Variants in MEF2C observed in about 807,000 individuals in gnomAD.
MEF2C encodes myocyte-specific enhancer factor 2C.
Under a neutral mutation model 50.5 loss-of-function variants are expected in MEF2C, and 6 were observed. The observed-to-expected ratio is 0.12, with a 90% confidence interval of 0.07 to 0.23. The LOEUF (loss-of-function observed/expected upper bound fraction) is 0.23. Ranked by LOEUF, MEF2C falls within the 10% of genes least tolerant of loss-of-function variation. MEF2C has a pLI of 1.00. For missense variants in MEF2C, 276 were observed against 605.0 expected (o/e 0.46, Z 5.70); for synonymous variants, 183 against 228.0 (o/e 0.80, Z 1.78).
Position 88,823,800 on chromosome 5 carries a change from T to A in MEF2C, c.-12A>T. 1 of 1,608,616 alleles carries A rather than the reference T, an allele frequency of 6.2e-7. No homozygotes were observed. Among genetic ancestry groups the A allele is most frequent in the Non-Finnish European group, 8.5e-7 (1 of 1,176,744 alleles). ...TTTTTTCTCCCCATAGTCCCCGTTT[T>A]TCTTCTCTCTCTCGTCCCTGAAATT... On this transcript the variant is annotated 5_prime_UTR_variant, in exon 2 of 11. Coordinates refer to ENST00000504921, the MANE Select transcript of MEF2C (RefSeq NM_002397.5).
intron 6 of MEF2C, among the ~76,000 whole-genome samples, chr5:88,745,478 G>A (rs1014627582): frequency 8.5e-5 from 13 of 152,200 alleles, no homozygotes; most frequent in Non-Finnish European, 4.4e-5. Context: ...GTAAGCGGCC[G>A]TGACATTGCC....
chr5:88,831,805 C>T (rs973248679), intron 1 of MEF2C, among the ~76,000 whole-genome samples: 8 of 152,006 alleles, frequency 5.3e-5, no homozygotes, highest in Admixed American at 5.2e-4. Flanking sequence ...TCCTAATCAA[C>T]CTAATTAAGG....
intron 1 of MEF2C, among the ~76,000 whole-genome samples, chr5:88,872,098 C>T (rs1829694028): frequency 6.6e-6 from 1 of 151,844 alleles, no homozygotes; most frequent in African/African-American, 2.4e-5. Context: ...AATTCCATTT[C>T]TACATATAAT....
rs1254304404 is a variant in MEF2C, at chr5:88,718,408, C to T, written c.*4196G>A. 6.6e-6 allele frequency: 1 copy of T among 152,142 alleles called. No homozygotes were observed. The allele number at this position is 152,142 out of a possible 1,614,324, so 9.4% of individuals were successfully genotyped here. A position where few individuals can be genotyped will look rare whatever the true frequency, so the allele number is the denominator to read the frequency against. ...GTTTAACTTAGTTATAACATCTTGT[C>T]ATCTAGTGGCGACAAAGTCCAGCTT... On this transcript the variant is annotated 3_prime_UTR_variant, in exon 11 of 11. Transcript: ENST00000504921.
chr5:88,739,746 G>A, intron 6 of MEF2C: 1 of 984,350 alleles, frequency 1.0e-6, no homozygotes, highest in Non-Finnish European at 1.2e-6. Flanking sequence ...ATTTTTTTGA[G>A]AAAAAAAGAT....
intron 1 of MEF2C, among the ~76,000 whole-genome samples, chr5:88,873,414 T>C (rs1830118259): frequency 1.3e-5 from 2 of 151,992 alleles, no homozygotes; most frequent in Non-Finnish European, 2.9e-5. Context: ...TGCACTTGCT[T>C]TCACGATACC....
rs1760443497 is a variant in MEF2C, at chr5:88,729,460, A to G, written c.835-113T>C. The G allele has an allele frequency of 5.0e-6, 5 of 990,276 alleles. No homozygotes were observed. In the South Asian group the frequency reaches 7.3e-5, roughly 15 times the overall value. The allele number at this position is 990,276 out of a possible 1,614,324, so 61.3% of individuals were successfully genotyped here. The stretch of plus-strand genomic sequence containing the variant: ...GATAACTTGGTACAAATCTCATGAA[A>G]TTAATCATTTAACATGTGTCTCTAT... On this transcript the variant is annotated intron_variant, in intron 8 of 10. Transcript: ENST00000504921.
At chr5:88,734,539 C>T (rs1309387609) in intron 6 of MEF2C, 1 of 926,042 alleles carries the variant, frequency 1.1e-6, no homozygotes, top group African/African-American at 2.0e-5. Context: ...AATGGAAATG[C>T]TTCACGGAGG....
chr5:88,871,071 A>G (rs1376780099), intron 1 of MEF2C, among the ~76,000 whole-genome samples: 2 of 152,118 alleles, frequency 1.3e-5, no homozygotes, highest in African/African-American at 4.8e-5. Flanking sequence ...ATGTGCTTCT[A>G]TAAATCATAT....
At chr5:88,870,553 C>T (rs891771245) in intron 1 of MEF2C, among the ~76,000 whole-genome samples, 1 of 152,028 alleles carries the variant, frequency 6.6e-6, no homozygotes, top group Non-Finnish European at 1.5e-5. Flanking sequence ...GAAAAAAAGA[C>T]CTGGAAGAGA....
chr5:88,884,954 G>C (rs1158151344), upstream of MEF2C, among the ~76,000 whole-genome samples: 4 of 151,992 alleles, frequency 2.6e-5, no homozygotes, highest in Admixed American at 2.6e-4. Flanking sequence ...CATGCCAGTA[G>C]AATTATAGAT....
chr5:88,857,855 G>A (rs370671087), intron 1 of MEF2C, among the ~76,000 whole-genome samples: 12 of 152,232 alleles, frequency 7.9e-5, no homozygotes, highest in East Asian at 7.7e-4. Flanking sequence ...TCATAGCAGC[G>A]TAAGAACAAA....
At chr5:88,724,411 C>T (rs1389322207) in intron 10 of MEF2C, among the ~76,000 whole-genome samples, 1 of 152,066 alleles carries the variant, frequency 6.6e-6, no homozygotes, top group East Asian at 1.9e-4. Context: ...CACCTACTGG[C>T]AAAGAATTAC....
chr5:88,867,117 T>A lies in MEF2C; in HGVS notation c.-143+15838A>T, dbSNP rs78938476. ...GATTTATCAAGCAGTTGATAATATATGTTTTTCTCACTTCACATCAACAAT... is the reference window on the plus strand; with the variant it reads ...GATTTATCAAGCAGTTGATAATATAAGTTTTTCTCACTTCACATCAACAAT... On this transcript the variant is annotated intron_variant, in intron 1 of 10. Coordinates refer to ENST00000504921, the MANE Select transcript of MEF2C (RefSeq NM_002397.5). Among the ~76,000 whole-genome samples the A allele has an allele frequency of 4.1e-3, 627 of 152,350 alleles. 17 individuals carry two copies. In the East Asian group the frequency reaches 0.08, roughly 19 times the overall value.
At chr5:88,733,920 A>G in intron 6 of MEF2C, 1 of 985,446 alleles carries the variant, frequency 1.0e-6, no homozygotes, top group Non-Finnish European at 1.2e-6. Context: ...AATTCTCTAA[A>G]GCTAGATAAA....
intron 3 of MEF2C, among the ~76,000 whole-genome samples, chr5:88,763,694 C>A (rs1778816278): frequency 2.0e-5 from 3 of 151,164 alleles, no homozygotes; most frequent in Non-Finnish European, 4.4e-5. Context: ...GCTCTGTTGC[C>A]CAGGCTGGAA....
chr5:88,798,003 TAG>T (rs1211539802), intron 3 of MEF2C, among the ~76,000 whole-genome samples: 3 of 152,218 alleles, frequency 2.0e-5, no homozygotes, highest in Non-Finnish European at 4.4e-5. Context: ...AGGGTTTCTG[TAG>T]AGAGATCTGC....
At chr5:88,832,943 A>G (rs1813645681) in intron 1 of MEF2C, among the ~76,000 whole-genome samples, 1 of 152,162 alleles carries the variant, frequency 6.6e-6, no homozygotes, top group Non-Finnish European at 1.5e-5. Context: ...TACATTAAAA[A>G]CTGTTAGAGA....
chr5:88,786,842 G>T (rs1006618650), intron 3 of MEF2C, among the ~76,000 whole-genome samples: 1 of 152,196 alleles, frequency 6.6e-6, no homozygotes, highest in Non-Finnish European at 1.5e-5. Context: ...GCCTTCATCT[G>T]AAATCTACAG....
Sources: gnomAD v4.1 joint callset for allele counts (sites outside exome capture counted in the v4.1 genomes callset) on GRCh38, gnomAD v4.1.1 for gene constraint, MANE v1.5 for transcripts, NCBI Gene and HGNC (gene_info 2026-07-23, HGNC 2026-07-21) for gene names.